The following CSMD3 variants were observed in gnomAD, a reference collection of about 807,000 sequenced individuals.
CSMD3 encodes the protein CUB and sushi domain-containing protein 3.
In CSMD3, 177 loss-of-function variants were observed where a neutral mutation model predicts 435.2. That is an observed-to-expected ratio of 0.41 (90% confidence interval 0.36 to 0.46). The LOEUF (loss-of-function observed/expected upper bound fraction) is 0.46. Among genes scored for constraint, CSMD3 ranks in the 20% least tolerant of loss-of-function variants. The probability of loss-of-function intolerance (pLI) is 0.34; values close to 1 mark genes in which losing one functional copy is unlikely to be tolerated. For missense variants in CSMD3, 4,265 were observed against 4,504.6 expected, an observed-to-expected ratio of 0.95 and a Z score of 1.52; for synonymous variants, 1,656 against 1,520.5, an observed-to-expected ratio of 1.09 and a Z score of -2.07.
At chr8:112,944,001 T>C (rs2083529072) in intron 9 of CSMD3, among the ~76,000 whole-genome samples, 1 of 151,684 alleles carries the variant, frequency 6.6e-6, no homozygotes, top group Admixed American at 6.6e-5. Context: ...TAATGCTAGG[T>C]AGAAATTATA....
intron 12 of CSMD3, among the ~76,000 whole-genome samples, chr8:112,803,813 T>G (rs1267688824): frequency 6.6e-6 from 1 of 152,128 alleles, no homozygotes; most frequent in Admixed American, 6.5e-5. Context: ...TCCCAGAAGT[T>G]TGCAGGCATC....
chr8:113,089,251 T>C (rs1018039219), intron 5 of CSMD3, among the ~76,000 whole-genome samples: 1 of 152,196 alleles, frequency 6.6e-6, no homozygotes, highest in African/African-American at 2.4e-5. Flanking sequence ...TTGCAGATAA[T>C]GTTATTCCTG....
intron 4 of CSMD3, among the ~76,000 whole-genome samples, chr8:113,112,574 T>C (rs1438797552): frequency 6.6e-6 from 1 of 151,224 alleles, no homozygotes; most frequent in Non-Finnish European, 1.5e-5. Flanking sequence ...CCTGAGTTCC[T>C]AGAAAGCCCA....
At chr8:112,741,818 T>TAGATAGAC (rs1278412349) in intron 13 of CSMD3, among the ~76,000 whole-genome samples, 1 of 151,704 alleles carries the variant, frequency 6.6e-6, no homozygotes, top group African/African-American at 2.4e-5. Flanking sequence ...GATAGATAGA[T>TAGATAGAC]AGATAGATAA....
intron 20 of CSMD3, among the ~76,000 whole-genome samples, chr8:112,642,973 A>T (rs1455156797): frequency 1.3e-5 from 2 of 152,212 alleles, no homozygotes; most frequent in Non-Finnish European, 2.9e-5. Context: ...GAATGCATCC[A>T]GAGGAAGTTG....
intron 22 of CSMD3, among the ~76,000 whole-genome samples, chr8:112,617,131 A>G (rs1168759372): frequency 2.6e-5 from 4 of 152,198 alleles, no homozygotes; most frequent in Admixed American, 2.6e-4. Flanking sequence ...CTGTTTCTCT[A>G]TAGGCTTATC....
chr8:112,279,693 A>G (rs1049143714), intron 59 of CSMD3, among the ~76,000 whole-genome samples: 1 of 152,162 alleles, frequency 6.6e-6, no homozygotes, highest in Non-Finnish European at 1.5e-5. Flanking sequence ...CTGATAAAAA[A>G]TAATTGGCAT....
intron 22 of CSMD3, among the ~76,000 whole-genome samples, chr8:112,594,161 G>C (rs373973127): frequency 6.6e-6 from 1 of 152,126 alleles, no homozygotes; most frequent in Non-Finnish European, 1.5e-5. Flanking sequence ...GTGGGTGCAC[G>C]CACCGTGTGC....
chr8:112,617,470 C>A (rs1476019157), intron 22 of CSMD3, among the ~76,000 whole-genome samples: 1 of 152,126 alleles, frequency 6.6e-6, no homozygotes, highest in Non-Finnish European at 1.5e-5. Context: ...AAACAAACCA[C>A]AATAGCTAAA....
chr8:112,629,957 G>A (rs2074468913), intron 22 of CSMD3, among the ~76,000 whole-genome samples: 1 of 152,134 alleles, frequency 6.6e-6, no homozygotes, highest in South Asian at 2.1e-4. Context: ...GTAAGCAGCT[G>A]TATTGTAGAC....
At chr8:113,192,362 T>C (rs1477891800) in intron 3 of CSMD3, among the ~76,000 whole-genome samples, 2 of 151,664 alleles carry the variant, frequency 1.3e-5, no homozygotes, top group Non-Finnish European at 3.0e-5. Flanking sequence ...TAAATTGTTC[T>C]AGATGCTTGC....
rs943107154 is a variant in CSMD3 at position 112,928,939 on chromosome 8, T to C, written c.1509-7188A>G. 1.1e-4 allele frequency among the ~76,000 whole-genome samples: 14 copies of C among 130,034 alleles called. No homozygotes were observed. In the South Asian group the frequency reaches 3.7e-3, roughly 34 times the overall value. 85.3% of individuals were successfully genotyped at this position (130,034 alleles called of 152,430 possible). A position where few individuals can be genotyped will look rare whatever the true frequency, so the allele number is the denominator to read the frequency against. ...AGTGTTCCTATTTCTCCACATCCTC[T>C]CCAGCACCTGTTGTTTCCTGACTTT... On this transcript the variant is annotated intron_variant, in intron 9 of 70. Transcript: ENST00000297405.
chr8:113,360,162 T>A (rs2094262612), intron 1 of CSMD3, among the ~76,000 whole-genome samples: 1 of 152,154 alleles, frequency 6.6e-6, no homozygotes, highest in African/African-American at 2.4e-5. Flanking sequence ...TAAACAAGCA[T>A]CTTTGGGATG....
intron 32 of CSMD3, among the ~76,000 whole-genome samples, chr8:112,413,538 A>G (rs375988990): frequency 1.3e-5 from 2 of 152,162 alleles, no homozygotes; most frequent in Non-Finnish European, 2.9e-5. Flanking sequence ...GAAACTCTTG[A>G]GCATTAGCAT....
intron 1 of CSMD3, among the ~76,000 whole-genome samples, chr8:113,360,820 G>A (rs1056019333): frequency 6.6e-6 from 1 of 151,856 alleles, no homozygotes; most frequent in Admixed American, 6.6e-5. Flanking sequence ...TGATCCGCCC[G>A]CCTCGGCCTC....
intron 11 of CSMD3, among the ~76,000 whole-genome samples, chr8:112,848,372 G>A (rs982379967): frequency 6.6e-6 from 1 of 151,954 alleles, no homozygotes; most frequent in African/African-American, 2.4e-5. Flanking sequence ...CTGTATTAAA[G>A]CACCTAGTAA....
chr8:112,961,385 C>T (rs1237792401), intron 7 of CSMD3, among the ~76,000 whole-genome samples: 1 of 151,576 alleles, frequency 6.6e-6, no homozygotes, highest in Non-Finnish European at 1.5e-5. Context: ...TGTATAAAAC[C>T]ATATAAATAC....
chr8:113,098,451 C>G (rs899452446), intron 5 of CSMD3: 2 of 363,698 alleles, frequency 5.5e-6, no homozygotes, highest in Non-Finnish European at 1.0e-5. Context: ...AGGAAAATTA[C>G]TTCCAAGACT....
intron 23 of CSMD3, among the ~76,000 whole-genome samples, chr8:112,585,455 T>C (rs1399216341): frequency 6.6e-6 from 1 of 151,432 alleles, no homozygotes; most frequent in African/African-American, 2.4e-5. Flanking sequence ...TACATCCCCT[T>C]GTGTTGTCAC....
Sources: allele counts gnomAD v4.1 joint callset (sites outside exome capture counted in the v4.1 genomes callset), GRCh38; gene constraint gnomAD v4.1.1; transcripts MANE v1.5; gene names NCBI Gene and HGNC (gene_info 2026-07-23, HGNC 2026-07-21).